The following BLK variants were observed in gnomAD, a reference collection of about 807,000 sequenced individuals.
BLK encodes tyrosine-protein kinase Blk.
Under a neutral mutation model 61.8 loss-of-function variants are expected in BLK, and 64 were observed. The observed-to-expected ratio is 1.03, with a 90% CI of 0.85 to 1.27. The LOEUF is 1.27. Ranked by LOEUF, BLK falls within the 50% of genes most tolerant of loss-of-function variation. The pLI is 0.00. For missense variants in BLK, 853 were observed against 660.5 expected (o/e 1.29, Z -3.19); for synonymous variants, 351 against 272.0 (o/e 1.29, Z -2.86).
At chr8:11,504,001 T>C (rs1798663424) in intron 1 of BLK, among the ~76,000 whole-genome samples, 1 of 152,136 alleles carries the variant, frequency 6.6e-6, no homozygotes, top group Admixed American at 6.5e-5. Flanking sequence ...CCCCAGCCTT[T>C]CTTGGAGCTT....
intron 1 of BLK, among the ~76,000 whole-genome samples, chr8:11,528,024 G>A (rs960816677): frequency 6.6e-6 from 1 of 152,056 alleles, no homozygotes; most frequent in Non-Finnish European, 1.5e-5. Context: ...TAGTTTTGGG[G>A]AGGGACTATT....
At chr8:11,560,929 T>C in intron 10 of BLK, 1 of 477,630 alleles carries the variant, frequency 2.1e-6, no homozygotes. Flanking sequence ...CTGCCTGTCC[T>C]TGCCTCCTGC....
intron 5 of BLK, 85 bp downstream of exon 5, chr8:11,549,207 TGGGACTGACCA>T: frequency 2.4e-6 from 3 of 1,265,012 alleles, no homozygotes; most frequent in Non-Finnish European, 3.4e-6. Context: ...AGGGCCAGAG[TGGGACTGACCA>T]GGGAGCCTGC....
At chr8:11,495,159 T>A (rs1185183563) in intron 1 of BLK, among the ~76,000 whole-genome samples, 2 of 152,238 alleles carry the variant, frequency 1.3e-5, no homozygotes, top group African/African-American at 4.8e-5. Context: ...AAACACCAAC[T>A]GTGAAAAGGA....
chr8:11,545,641 C>T (rs564155099), intron 2 of BLK: 2 of 271,590 alleles, frequency 7.4e-6, no homozygotes, highest in Middle Eastern at 1.3e-3. Context: ...AGAAGTTTCT[C>T]TACAGGATAT....
rs562176177 is a variant in BLK at position 11,505,438 on chromosome 8, G to A, written c.-2+10847G>A. Among the ~76,000 whole-genome samples the A allele has an allele frequency of 3.3e-5, 5 of 152,242 alleles. No homozygotes were observed. In the South Asian group the frequency reaches 1.0e-3, roughly 32 times the overall value. ...ACCTGCCAAGCCAGAGGGTGACCTGGACACTCATAACTCAATGCAGGGCCA... is the reference window on the plus strand; with the variant it reads ...ACCTGCCAAGCCAGAGGGTGACCTGAACACTCATAACTCAATGCAGGGCCA... On this transcript the variant is annotated intron_variant, in intron 1 of 12. Coordinates refer to ENST00000259089, the MANE Select transcript of BLK (RefSeq NM_001715.3).
chr8:11,541,159 C>T (rs993522833), intron 1 of BLK, among the ~76,000 whole-genome samples: 5 of 120,430 alleles, frequency 4.2e-5, no homozygotes, highest in Admixed American at 1.8e-4. Flanking sequence ...CCCAGCTACT[C>T]GAGAGGCTGA....
intron 7 of BLK, 80 bp from the exon 8 acceptor site, chr8:11,555,252 A>G: frequency 6.3e-7 from 1 of 1,595,742 alleles, no homozygotes; most frequent in South Asian, 1.1e-5. Context: ...GTGGAGGGCC[A>G]GCTAGGAATG....
At chr8:11,502,472 T>A (rs1482430931) in intron 1 of BLK, among the ~76,000 whole-genome samples, 1 of 151,962 alleles carries the variant, frequency 6.6e-6, no homozygotes, top group African/African-American at 2.4e-5. Context: ...CCTGGCTAAT[T>A]TTTGTATTTT....
intron 1 of BLK, among the ~76,000 whole-genome samples, chr8:11,496,409 T>G (rs995344732): frequency 1.3e-5 from 2 of 152,146 alleles, no homozygotes; most frequent in Non-Finnish European, 2.9e-5. Flanking sequence ...GGCTAATTTT[T>G]TAATCTTATT....
intron 1 of BLK, among the ~76,000 whole-genome samples, chr8:11,529,292 G>C (rs1799794651): frequency 6.6e-6 from 1 of 152,150 alleles, no homozygotes; most frequent in African/African-American, 2.4e-5. Flanking sequence ...ACTCAAATCA[G>C]CCTCCTTGAG....
intron 6 of BLK, chr8:11,553,571 CA>C (rs1801022481): frequency 4.6e-6 from 1 of 216,618 alleles, no homozygotes; most frequent in Non-Finnish European, 9.5e-6. Context: ...GCACCCGACA[CA>C]AGTGCAGCCT....
At chr8:11,532,071 C>G (rs1799907956) in intron 1 of BLK, among the ~76,000 whole-genome samples, 2 of 152,090 alleles carry the variant, frequency 1.3e-5, no homozygotes, top group Non-Finnish European at 2.9e-5. Flanking sequence ...GTTGGCCAGG[C>G]TGGTCTCAAA....
intron 12 of BLK, 32 bp from the exon 13 acceptor site, chr8:11,563,871 C>G (rs1462050860): frequency 6.3e-7 from 1 of 1,591,988 alleles, no homozygotes; most frequent in Non-Finnish European, 8.5e-7. Context: ...ACCCCAGCCC[C>G]TCACCCCCGC....
At chr8:11,506,067 G>A (rs1354658835) in intron 1 of BLK, among the ~76,000 whole-genome samples, 1 of 152,186 alleles carries the variant, frequency 6.6e-6, no homozygotes, top group African/African-American at 2.4e-5. Context: ...ACAGGTTTTG[G>A]GCCAGGTGCC....
intron 1 of BLK, among the ~76,000 whole-genome samples, chr8:11,521,595 T>G (rs993359912): frequency 6.6e-6 from 1 of 152,198 alleles, no homozygotes; most frequent in Non-Finnish European, 1.5e-5. Context: ...CTGGACCATA[T>G]TTATGTCTTT....
chr8:11,534,409 A>C (rs1032888556), intron 1 of BLK, among the ~76,000 whole-genome samples: 27 of 152,146 alleles, frequency 1.8e-4, no homozygotes, highest in Admixed American at 2.6e-4. Flanking sequence ...TTCCCCCCCC[A>C]AAAAAATTCA....
intron 6 of BLK, 151 bp downstream of exon 6, chr8:11,550,413 C>T (rs573383149): frequency 6.4e-5 from 49 of 765,874 alleles, no homozygotes; most frequent in African/African-American, 5.5e-4. Flanking sequence ...AGGCCCTGCC[C>T]GGGAGTTGAC....
At chr8:11,506,470 G>C (rs1225337249) in intron 1 of BLK, among the ~76,000 whole-genome samples, 1 of 152,230 alleles carries the variant, frequency 6.6e-6, no homozygotes, top group African/African-American at 2.4e-5. Flanking sequence ...CTCTGGAGGG[G>C]TGTGGGTGGG....
Sources: allele counts gnomAD v4.1 joint callset (sites outside exome capture counted in the v4.1 genomes callset), GRCh38; gene constraint gnomAD v4.1.1; transcripts MANE v1.5; gene names NCBI Gene and HGNC (gene_info 2026-07-23, HGNC 2026-07-21).